SYNE1: variants seen among roughly 807,000 people sequenced by gnomAD.
SYNE1 encodes nesprin-1.
A neutral mutation model predicts 1,111.0 loss-of-function variants in SYNE1; 616 were observed. The observed-to-expected ratio is 0.55, with a 90% CI of 0.52 to 0.59. The LOEUF (loss-of-function observed/expected upper bound fraction) is 0.59. Among genes scored for constraint, SYNE1 ranks in the 20% least tolerant of loss-of-function variants. The pLI is 0.00. For synonymous variants in SYNE1, 3,855 were observed against 3,825.8 expected (o/e 1.01, Z -0.28); for missense variants, 10,006 against 10,417.0 (o/e 0.96, Z 1.72).
Position 152,350,531 on chromosome 6 carries a change from C to T in SYNE1, c.11733+87G>A. The T allele has an allele frequency of 1.9e-6, 3 of 1,571,790 alleles. No individual in the cohort carries two copies. The Admixed American group carries it at 5.0e-5, about 26-fold the overall frequency. On this transcript the variant is annotated intron_variant, in intron 71 of 145. Transcript: ENST00000367255. Reference sequence around the variant, plus strand: ...AAAAAAAATACTAACCCGTACCAGGCCTTAAAATTACATGACAGAGAGAAA... The same window carrying T: ...AAAAAAAATACTAACCCGTACCAGGTCTTAAAATTACATGACAGAGAGAAA...
intron 4 of SYNE1, among the ~76,000 whole-genome samples, chr6:152,537,554 A>G (rs1172055138): frequency 6.6e-6 from 1 of 152,120 alleles, no homozygotes; most frequent in Non-Finnish European, 1.5e-5. Flanking sequence ...CATAATATTT[A>G]TAAAGAAATG....
intron 33 of SYNE1, chr6:152,434,443 A>G (rs529612904): frequency 1.3e-5 from 2 of 155,132 alleles, no homozygotes; most frequent in Admixed American, 1.3e-4. Context: ...TCGTGATCTC[A>G]ATCCCATGCT....
chr6:152,436,187 C>A, intron 32 of SYNE1, 86 bp from the exon 33 acceptor site: 2 of 1,389,874 alleles, frequency 1.4e-6, no homozygotes, highest in South Asian at 1.3e-5. Flanking sequence ...GCATACAGAA[C>A]AGATGGGTGG....
In SYNE1 at chr6:152,141,328, A is replaced by G; in HGVS notation, c.25121T>C (p.Met8374Thr). 1 of 1,613,986 alleles carries G rather than the reference A, an allele frequency of 6.2e-7. No homozygotes were observed. The highest frequency in any genetic ancestry group is 8.5e-7 in the Non-Finnish European group (1 of 1,179,996). Residue 8374 changes from methionine to threonine, a missense_variant and splice_region_variant, in exon 139 of 146, where the codon ATG becomes ACG. Transcript: ENST00000367255. ...PELDTSYKGY[M>T]KLLGECSSSI... Reference sequence around the variant, plus strand: ...GCTACTGCATTCGCCCAGCAGTTTCATCTGTTTAGACATAAACAACCGGCC... The same window carrying G: ...GCTACTGCATTCGCCCAGCAGTTTCGTCTGTTTAGACATAAACAACCGGCC...
intron 3 of SYNE1, among the ~76,000 whole-genome samples, chr6:152,623,278 G>T (rs1044188486): frequency 6.6e-6 from 1 of 152,088 alleles, no homozygotes; most frequent in Non-Finnish European, 1.5e-5. Flanking sequence ...AAATGGTGCT[G>T]GAATAACTGG....
chr6:152,431,268 C>T (rs188212124), intron 34 of SYNE1, among the ~76,000 whole-genome samples: 152 of 152,232 alleles, frequency 1.0e-3, no homozygotes, highest in Non-Finnish European at 1.2e-3. Flanking sequence ...ACCATCTGGT[C>T]CCTATTCTCC....
At chr6:152,600,078 C>G (rs2099592545) in intron 3 of SYNE1, among the ~76,000 whole-genome samples, 1 of 152,190 alleles carries the variant, frequency 6.6e-6, no homozygotes. Flanking sequence ...TAATACTCAT[C>G]AGGACTGACG....
intron 3 of SYNE1, among the ~76,000 whole-genome samples, chr6:152,570,506 T>A (rs1357491894): frequency 6.6e-6 from 1 of 152,186 alleles, no homozygotes; most frequent in African/African-American, 2.4e-5. Flanking sequence ...AAGGCCAACG[T>A]GGTCAACTTG....
At chr6:152,167,436 G>A (rs540739447) in intron 130 of SYNE1, among the ~76,000 whole-genome samples, 2 of 151,794 alleles carry the variant, frequency 1.3e-5, no homozygotes, top group South Asian at 4.2e-4. Context: ...TTTATCTGAG[G>A]GATGATACAG....
In SYNE1 at chr6:152,391,526, A is replaced by G. The variant is rs759690937; in HGVS notation, c.7755T>C (p.Ser2585=). ...CCTGCCCAGCACCGTGGCCTTCTTC[A>G]CTCAGAAGCTGCCCTCTCTGGGAAA... The part of the protein sequence containing the change: ...DKLSQRGQLL[S]EEGHGAGQEG... Residue 2585 remains serine, a synonymous_variant, in exon 52 of 146, where the codon AGT becomes AGC. Transcript: ENST00000367255. 9 of 1,610,320 alleles carry G rather than the reference A, an allele frequency of 5.6e-6. No homozygotes were observed. The Admixed American group carries it at 1.2e-4, about 21-fold the overall frequency.
chr6:152,455,496 T>C lies in SYNE1; in HGVS notation c.2822A>G (p.Lys941Arg), dbSNP rs764070602. Residue 941 changes from lysine to arginine, a missense_variant, in exon 24 of 146, where the codon AAG becomes AGG. By Grantham distance (26) the Lys-to-Arg change is conservative. Around this residue, in one of 7 missense-constraint regions of SYNE1, gnomAD observed 1,971 missense variants for 2,084.1 expected, o/e 0.95. Coordinates refer to ENST00000367255, the MANE Select transcript of SYNE1 (RefSeq NM_182961.4). ...GCCCTCCTGAGCAATCCGCAGTACC[T>C]TCTCCAACTCTGCTCGAGACTCCTC... Reference protein sequence around the residue: ...KFEESRAELEKVLRIAQEGLE... With the variant: ...KFEESRAELERVLRIAQEGLE... 3.1e-6 allele frequency: 5 copies of C among 1,614,044 alleles called. No individual in the cohort carries two copies. The highest frequency in any genetic ancestry group is 3.4e-6 in the Non-Finnish European group (4 of 1,180,036).
intron 127 of SYNE1, among the ~76,000 whole-genome samples, chr6:152,190,991 G>A (rs910175647): frequency 1.3e-5 from 2 of 152,154 alleles, no homozygotes; most frequent in Admixed American, 1.3e-4. Context: ...AGGAAAGGTT[G>A]AATTTTATCA....
intron 63 of SYNE1, among the ~76,000 whole-genome samples, chr6:152,362,602 G>C (rs1344945390): frequency 6.6e-6 from 1 of 152,110 alleles, no homozygotes; most frequent in Non-Finnish European, 1.5e-5. Context: ...CGAGACACTG[G>C]GGGAGCCTCA....
intron 2 of SYNE1, among the ~76,000 whole-genome samples, chr6:152,633,568 T>A (rs1057338544): frequency 5.3e-5 from 8 of 152,274 alleles, no homozygotes; most frequent in Non-Finnish European, 8.8e-5. Flanking sequence ...TGCTGCATTT[T>A]TTTTTTGTTC....
chr6:152,365,810 A>G (rs2097065534), intron 62 of SYNE1, among the ~76,000 whole-genome samples: 1 of 152,132 alleles, frequency 6.6e-6, no homozygotes, highest in Non-Finnish European at 1.5e-5. Flanking sequence ...TGCCTAAAAG[A>G]CAAAGCTTCA....
Position 152,543,132 on chromosome 6 carries a change from T to C in SYNE1, c.68-3111A>G, listed in dbSNP as rs546038210. Among the ~76,000 whole-genome samples, 4 of 152,264 alleles carry C rather than the reference T, an allele frequency of 2.6e-5. No individual in the cohort carries two copies. In the South Asian group the frequency reaches 8.3e-4, roughly 32 times the overall value. ...ATAGTATTGTAACAATTTCATCTGATGGTAAATCTCTGAGTTTATAGTTAG... is the reference window on the plus strand; with the variant it reads ...ATAGTATTGTAACAATTTCATCTGACGGTAAATCTCTGAGTTTATAGTTAG... On this transcript the variant is annotated intron_variant, in intron 3 of 145. Transcript: ENST00000367255.
At position 152,218,999 on chromosome 6, in the gene SYNE1, G is replaced by A. The variant is rs2079427530; in HGVS notation, c.22044+4C>T. Reference sequence around the variant, plus strand: ...ACAGAAGATACTAAATAGGAGCTCTGTACCTGTAATGAAGTCTGCTGTTTG... The same window carrying A: ...ACAGAAGATACTAAATAGGAGCTCTATACCTGTAATGAAGTCTGCTGTTTG... On this transcript the variant is annotated splice_donor_region_variant and intron_variant, in intron 120 of 145. Coordinates refer to ENST00000367255, the MANE Select transcript of SYNE1 (RefSeq NM_182961.4). The A allele has an allele frequency of 1.2e-6, 2 of 1,613,458 alleles. No individual in the cohort carries two copies. Among genetic ancestry groups the A allele is most frequent in the South Asian group, 2.2e-5 (2 of 91,088 alleles).
intron 3 of SYNE1, among the ~76,000 whole-genome samples, chr6:152,543,061 T>C (rs1218050850): frequency 6.6e-6 from 1 of 152,092 alleles, no homozygotes; most frequent in Non-Finnish European, 1.5e-5. Context: ...TACTTCTTAA[T>C]ATAAATTGTT....
Position 152,461,708 on chromosome 6 carries a change from G to A in SYNE1, c.2283C>T (p.Ala761=). The change falls in exon 21 of 146, where the codon GCC becomes GCT. Residue 761 remains alanine (A), a synonymous_variant. Coordinates refer to ENST00000367255, the MANE Select transcript of SYNE1 (RefSeq NM_182961.4). ...CTGTCTTTGTAATTATCTTGTATTG[G>A]GCATCCATCACAGGCACCCTCTGCT... ...DIEQRVPVMD[A]QYKIITKTAH... 1 of 1,613,728 alleles carries A rather than the reference G, an allele frequency of 6.2e-7. No homozygotes were observed. The highest frequency in any genetic ancestry group is 8.5e-7 in the Non-Finnish European group (1 of 1,179,910).
Sources: allele counts gnomAD v4.1 joint callset (sites outside exome capture counted in the v4.1 genomes callset), GRCh38; gene constraint gnomAD v4.1.1; regional missense constraint gnomAD v4.1.1; transcripts MANE v1.5; gene names NCBI Gene and HGNC (gene_info 2026-07-23, HGNC 2026-07-21).